GRID2: variants seen among roughly 807,000 people sequenced by gnomAD.
GRID2 encodes glutamate ionotropic receptor delta type subunit 2, also known as glutamate receptor ionotropic, delta-2.
GRID2 carries 33 observed loss-of-function variants against 114.8 expected under a neutral mutation model. The observed-to-expected ratio is 0.29, with a 90% confidence interval of 0.22 to 0.38. GRID2 has a LOEUF of 0.38. Ranked by LOEUF, GRID2 falls within the 10% of genes least tolerant of loss-of-function variation. GRID2 has a pLI of 1.00. For missense variants in GRID2, 1,184 were observed against 1,257.7 expected, an observed-to-expected ratio of 0.94 and a Z score of 0.89; for synonymous variants, 505 against 449.9, an observed-to-expected ratio of 1.12 and a Z score of -1.55.
chr4:93,310,948 G>A (rs1249373065), intron 8 of GRID2, among the ~76,000 whole-genome samples: 3 of 152,126 alleles, frequency 2.0e-5, no homozygotes, highest in African/African-American at 7.2e-5. Flanking sequence ...AGACAACTGT[G>A]GTCCCAGTTC....
At chr4:92,571,319 A>G (rs1054467998) in intron 1 of GRID2, among the ~76,000 whole-genome samples, 26 of 152,180 alleles carry the variant, frequency 1.7e-4, no homozygotes, top group Non-Finnish European at 3.2e-4. Context: ...GATCAATTCA[A>G]CAAGAAGAGC....
chr4:93,735,899 C>T (rs558888868), intron 14 of GRID2, among the ~76,000 whole-genome samples: 1 of 152,030 alleles, frequency 6.6e-6, no homozygotes, highest in East Asian at 1.9e-4. Context: ...CATCAACTGA[C>T]ATATGCCTAG....
intron 7 of GRID2, among the ~76,000 whole-genome samples, chr4:93,231,997 A>G (rs2149502303): frequency 6.6e-6 from 1 of 152,272 alleles, no homozygotes; most frequent in East Asian, 1.9e-4. Context: ...CTATGGAAGG[A>G]GGATATTTCA....
At chr4:92,971,312 C>T (rs1753500113) in intron 2 of GRID2, among the ~76,000 whole-genome samples, 1 of 151,942 alleles carries the variant, frequency 6.6e-6, no homozygotes, top group Admixed American at 6.6e-5. Flanking sequence ...AAATAAATTA[C>T]ATATATTTAG....
intron 2 of GRID2, among the ~76,000 whole-genome samples, chr4:92,801,228 G>T (rs1429657549): frequency 6.6e-6 from 1 of 151,944 alleles, no homozygotes; most frequent in Non-Finnish European, 1.5e-5. Flanking sequence ...TCCTCCCAAG[G>T]AATCATCTCT....
intron 1 of GRID2, among the ~76,000 whole-genome samples, chr4:92,522,995 T>A (rs1179007376): frequency 6.6e-6 from 1 of 151,910 alleles, no homozygotes; most frequent in South Asian, 2.1e-4. Context: ...TCTCTGGTGA[T>A]AAATAAAGGA....
chr4:92,439,215 A>T (rs951662017), intron 1 of GRID2, among the ~76,000 whole-genome samples: 3 of 152,124 alleles, frequency 2.0e-5, no homozygotes, highest in African/African-American at 7.2e-5. Context: ...AAGGACTTTC[A>T]CAAGGTAATG....
chr4:93,337,573 A>G (rs1050707302), intron 8 of GRID2, among the ~76,000 whole-genome samples: 3 of 152,182 alleles, frequency 2.0e-5, no homozygotes, highest in Admixed American at 2.0e-4. Flanking sequence ...TTGGATAGCA[A>G]GCAAACCTGT....
intron 1 of GRID2, among the ~76,000 whole-genome samples, chr4:92,448,173 A>ATGTG (rs1733570953): frequency 6.6e-6 from 1 of 151,338 alleles, no homozygotes; most frequent in Non-Finnish European, 1.5e-5. Context: ...GTATGTATGT[A>ATGTG]TGTATGTATT....
chr4:92,396,380 A>T (rs1730492419), intron 1 of GRID2, among the ~76,000 whole-genome samples: 1 of 151,996 alleles, frequency 6.6e-6, no homozygotes, highest in Non-Finnish European at 1.5e-5. Flanking sequence ...TCAGCGAAAC[A>T]AATGTTTGCC....
intron 1 of GRID2, among the ~76,000 whole-genome samples, chr4:92,385,280 T>A (rs1249588929): frequency 4.0e-5 from 6 of 151,832 alleles, no homozygotes; most frequent in Non-Finnish European, 2.9e-5. Context: ...CATGACTATA[T>A]GACTGAATTG....
At chr4:93,431,361 TG>T (rs1769389639) in intron 10 of GRID2, among the ~76,000 whole-genome samples, 1 of 152,156 alleles carries the variant, frequency 6.6e-6, no homozygotes. Flanking sequence ...AGAGGATCAC[TG>T]GGCTAATCTT....
At chr4:92,916,665 C>T (rs990629431) in intron 2 of GRID2, among the ~76,000 whole-genome samples, 2 of 152,132 alleles carry the variant, frequency 1.3e-5, no homozygotes, top group Admixed American at 6.5e-5. Flanking sequence ...CCAGCTTCAT[C>T]CATGTCCCTA....
intron 4 of GRID2, among the ~76,000 whole-genome samples, chr4:93,201,108 T>G (rs1742061037): frequency 6.6e-6 from 1 of 152,174 alleles, no homozygotes; most frequent in African/African-American, 2.4e-5. Flanking sequence ...GAGATTGCAC[T>G]CACAAGCACA....
chr4:92,560,350 T>G (rs1364513626), intron 1 of GRID2, among the ~76,000 whole-genome samples: 2 of 152,178 alleles, frequency 1.3e-5, no homozygotes, highest in African/African-American at 4.8e-5. Flanking sequence ...GTGTATTTTA[T>G]TATGAGGTCA....
At chr4:92,766,222 GGTAGTCAGCCTCTT>G (rs1361012631) in intron 2 of GRID2, among the ~76,000 whole-genome samples, 1 of 152,106 alleles carries the variant, frequency 6.6e-6, no homozygotes, top group Non-Finnish European at 1.5e-5. Flanking sequence ...TTGAAGACCT[GGTAGTCAGCCTCTT>G]GTAGATAAGA....
intron 1 of GRID2, among the ~76,000 whole-genome samples, chr4:92,363,886 C>A (rs1728732762): frequency 7.0e-6 from 1 of 143,280 alleles, no homozygotes. Context: ...GTGGCATGAT[C>A]TCATCTCACT....
intron 1 of GRID2, among the ~76,000 whole-genome samples, chr4:92,407,623 T>G (rs1233632463): frequency 6.6e-6 from 1 of 152,200 alleles, no homozygotes; most frequent in Non-Finnish European, 1.5e-5. Context: ...TAATTGCTAT[T>G]GTGACTGGTG....
At chr4:92,608,743 A>G (rs543492575) in intron 2 of GRID2, among the ~76,000 whole-genome samples, 46 of 151,842 alleles carry the variant, frequency 3.0e-4, no homozygotes, top group African/African-American at 1.1e-3. Flanking sequence ...TATTTTTTTC[A>G]TTAAGTGAGA....
Sources: gnomAD v4.1 joint callset for allele counts (sites outside exome capture counted in the v4.1 genomes callset) on GRCh38, gnomAD v4.1.1 for gene constraint, MANE v1.5 for transcripts, NCBI Gene and HGNC (gene_info 2026-07-23, HGNC 2026-07-21) for gene names.